Variants in RNF17 observed in about 807,000 individuals in gnomAD.
RNF17 encodes ring finger protein 17.
RNF17 carries 31 observed loss-of-function variants against 200.5 expected under a neutral mutation model. That is an observed-to-expected ratio of 0.15 (90% CI 0.12 to 0.21). The LOEUF (loss-of-function observed/expected upper bound fraction) is 0.21, where lower values mean the gene tolerates loss of function less well. Ranked by LOEUF, RNF17 falls within the 10% of genes least tolerant of loss-of-function variation. The pLI is 1.00. For missense variants in RNF17, 1,628 were observed against 1,905.1 expected (o/e 0.85, Z 2.71); for synonymous variants, 606 against 637.8 (o/e 0.95, Z 0.75).
chr13:24,772,662 G>A (rs553409369), intron 2 of RNF17, among the ~76,000 whole-genome samples: 1 of 151,212 alleles, frequency 6.6e-6, no homozygotes, highest in African/African-American at 2.4e-5. Flanking sequence ...CCAGGCTAGA[G>A]TGCAGTGGCG....
chr13:24,835,922 G>C (rs1274953997), intron 18 of RNF17, among the ~76,000 whole-genome samples: 1 of 152,168 alleles, frequency 6.6e-6, no homozygotes, highest in East Asian at 1.9e-4. Context: ...AACAATATAA[G>C]AAGTGAAGGG....
In RNF17 at chr13:24,842,097, G is replaced by A; in HGVS notation, c.2539G>A (p.Glu847Lys). 6.2e-7 allele frequency: 1 copy of A among 1,611,216 alleles called. No homozygotes were observed. The highest frequency in any genetic ancestry group is 8.5e-7 in the Non-Finnish European group (1 of 1,177,868). The change falls in exon 19 of 36, where the codon GAA becomes AAA. Residue 847 changes from glutamate (E) to lysine (K), a missense_variant. Transcript: ENST00000255324. ...VELFDSLGAP[E>K]MTTTSINDQL... is the part of the protein sequence containing the mutation. ...GCTTTTCGATTCTCTTGGTGCTCCT[G>A]AAATGACTACTACTAGTATTAATGA...
chr13:24,807,858 ACAT>A (rs1391855936), intron 15 of RNF17, among the ~76,000 whole-genome samples: 1 of 151,378 alleles, frequency 6.6e-6, no homozygotes, highest in East Asian at 1.9e-4. Context: ...TCAGCTTTCT[ACAT>A]ATGGCTAGCC....
chr13:24,827,733 A>G (rs1888898325), intron 16 of RNF17, among the ~76,000 whole-genome samples: 1 of 144,128 alleles, frequency 6.9e-6, no homozygotes, highest in Admixed American at 6.9e-5. Context: ...AAAAAAAAAC[A>G]ATAGAAATTT....
intron 33 of RNF17, 23 bp from the exon 34 acceptor site, chr13:24,876,974 T>C: frequency 1.9e-6 from 3 of 1,552,076 alleles, no homozygotes; most frequent in Non-Finnish European, 2.6e-6. Context: ...AGAATTTTAA[T>C]GTAAGAATTT....
downstream of RNF17, chr13:24,884,550 T>A: frequency 1.5e-6 from 2 of 1,330,988 alleles, no homozygotes; most frequent in Admixed American, 1.7e-5. Flanking sequence ...ACTTTGAAAT[T>A]TTTTGTAATA....
chr13:24,818,513 A>G (rs191373906), intron 15 of RNF17, among the ~76,000 whole-genome samples: 93 of 152,086 alleles, frequency 6.1e-4, no homozygotes, highest in African/African-American at 2.0e-3. Context: ...TGAACTGTCT[A>G]TTTTTTCCTT....
chr13:24,883,380 TA>T (rs759646472), downstream of RNF17: 38 of 1,563,702 alleles, frequency 2.4e-5, no homozygotes, highest in South Asian at 3.6e-5. Flanking sequence ...CTGTAAAATT[TA>T]AAAAAAATAT....
At chr13:24,794,344 T>G (rs1292656085) in intron 10 of RNF17, 2 of 375,314 alleles carry the variant, frequency 5.3e-6, no homozygotes, top group Non-Finnish European at 1.0e-5. Flanking sequence ...TGAATTTCAC[T>G]GATAACTAAA....
At chr13:24,815,666 G>A (rs749430846) in intron 15 of RNF17, among the ~76,000 whole-genome samples, 3 of 152,118 alleles carry the variant, frequency 2.0e-5, no homozygotes, top group Non-Finnish European at 4.4e-5. Context: ...AGGGAAAAGC[G>A]TTTGTCTTTG....
chr13:24,861,522 C>T (rs749789327), intron 27 of RNF17, 135 bp downstream of exon 27: 1 of 543,038 alleles, frequency 1.8e-6, no homozygotes, highest in African/African-American at 2.0e-5. Context: ...AAATAAGTTA[C>T]TAAGACAGCT....
intron 6 of RNF17, among the ~76,000 whole-genome samples, chr13:24,785,941 A>G (rs914336192): frequency 8.6e-4 from 131 of 152,244 alleles, no homozygotes; most frequent in Non-Finnish European, 1.6e-4. Context: ...TTGTGGCAGC[A>G]TATAGTTGGG....
chr13:24,810,110 A>G (rs1483624256), intron 15 of RNF17, among the ~76,000 whole-genome samples: 3 of 150,676 alleles, frequency 2.0e-5, no homozygotes, highest in African/African-American at 7.3e-5. Flanking sequence ...AAAAAAATGT[A>G]TATTCTGTTG....
At chr13:24,852,775 G>A (rs1275919767) in intron 24 of RNF17, among the ~76,000 whole-genome samples, 2 of 152,174 alleles carry the variant, frequency 1.3e-5, no homozygotes, top group African/African-American at 4.8e-5. Flanking sequence ...TACTGACATT[G>A]TCTGCTACCA....
chr13:24,884,034 A>G, downstream of RNF17: 1 of 1,614,052 alleles, frequency 6.2e-7, no homozygotes, highest in East Asian at 2.2e-5. Flanking sequence ...AGTTTTTAAC[A>G]GTCTGGTCAG....
chr13:24,806,926 A>C (rs1026131467), intron 15 of RNF17, among the ~76,000 whole-genome samples: 1 of 151,132 alleles, frequency 6.6e-6, no homozygotes, highest in Non-Finnish European at 1.5e-5. Context: ...GCGATAGTTT[A>C]CTGAGAATGA....
intron 24 of RNF17, among the ~76,000 whole-genome samples, chr13:24,852,350 G>C (rs1360369659): frequency 6.6e-6 from 1 of 152,060 alleles, no homozygotes; most frequent in Non-Finnish European, 1.5e-5. Context: ...GTGTTAGCCA[G>C]GATGGCCTCG....
At chr13:24,784,452 A>G (rs1882830320) in intron 6 of RNF17, among the ~76,000 whole-genome samples, 1 of 152,190 alleles carries the variant, frequency 6.6e-6, no homozygotes, top group African/African-American at 2.4e-5. Flanking sequence ...TCAATTTACC[A>G]GTAAAGCTGT....
At chr13:24,878,116 C>T (rs919933307) in intron 34 of RNF17, among the ~76,000 whole-genome samples, 5 of 152,326 alleles carry the variant, frequency 3.3e-5, no homozygotes, top group Admixed American at 1.3e-4. Context: ...GCAGCTCAGC[C>T]TGCTTCCCTC....
Sources: gnomAD v4.1 joint callset for allele counts (sites outside exome capture counted in the v4.1 genomes callset) on GRCh38, gnomAD v4.1.1 for gene constraint, MANE v1.5 for transcripts, NCBI Gene and HGNC (gene_info 2026-07-23, HGNC 2026-07-21) for gene names.